The following TMEM14C variants were observed in gnomAD, a reference collection of about 807,000 sequenced individuals.
TMEM14C encodes chromosome 6 open reading frame 53.
Under a neutral mutation model 14.8 loss-of-function variants are expected in TMEM14C, and 13 were observed. The observed-to-expected ratio is 0.88, with a 90% CI of 0.57 to 1.40. The LOEUF is 1.40. TMEM14C is among the 40% of genes most tolerant of loss of function. TMEM14C has a pLI of 0.00. For synonymous variants in TMEM14C, 57 were observed against 51.3 expected (o/e 1.11, Z -0.48); for missense variants, 142 against 138.8 (o/e 1.02, Z -0.12).
At chr6:10,726,117 C>G in intron 4 of TMEM14C, 109 bp downstream of exon 4, 1 of 1,191,354 alleles carries the variant, frequency 8.4e-7, no homozygotes, top group Non-Finnish European at 1.2e-6. Context: ...TCACTTACGA[C>G]AATTTCACTG....
intron 3 of TMEM14C, among the ~76,000 whole-genome samples, chr6:10,725,446 C>G (rs1386755747): frequency 2.0e-5 from 3 of 152,132 alleles, no homozygotes; most frequent in African/African-American, 7.2e-5. Context: ...TTGTGTTTGC[C>G]CCCTAGTCCT....
At chr6:10,728,967 C>A in intron 5 of TMEM14C, 1 of 870,616 alleles carries the variant, frequency 1.1e-6, no homozygotes, top group Non-Finnish European at 1.7e-6. Flanking sequence ...CCAGTCCATC[C>A]AAACTCCTCC....
chr6:10,728,890 T>C, intron 5 of TMEM14C, 163 bp downstream of exon 5: 1 of 1,483,546 alleles, frequency 6.7e-7, no homozygotes, highest in Non-Finnish European at 9.1e-7. Context: ...CAATAGCTAG[T>C]TTAATGTCAA....
In TMEM14C at chr6:10,731,020, CTT is replaced by C. The variant is rs2127489720; in HGVS notation, c.*357_*358del. 5.0e-6 allele frequency: 5 copies of C among 998,020 alleles called. No homozygotes were observed. The South Asian group carries it at 2.3e-4, about 46-fold the overall frequency. 61.8% of individuals were successfully genotyped at this position (998,020 alleles called of 1,614,324 possible). On this transcript the variant is annotated 3_prime_UTR_variant, in exon 6 of 6. Transcript: ENST00000229563. Reference sequence around the variant, plus strand: ...TCTGAGGAACAGTGTGAAAAAAAGTCTTTTAGGAGATTTACAATATCTGTTCT... The same window carrying C: ...TCTGAGGAACAGTGTGAAAAAAAGTCTTAGGAGATTTACAATATCTGTTCT...
At chr6:10,723,399 A>G (rs1388611363) in intron 1 of TMEM14C, among the ~76,000 whole-genome samples, 158 bp downstream of exon 1, 1 of 152,144 alleles carries the variant, frequency 6.6e-6, no homozygotes, top group Non-Finnish European at 1.5e-5. Context: ...TGCTTTTAAA[A>G]GAAGTTGTGG....
At chr6:10,729,700 C>T (rs1293596805) in intron 5 of TMEM14C, among the ~76,000 whole-genome samples, 4 of 152,134 alleles carry the variant, frequency 2.6e-5, no homozygotes, top group African/African-American at 7.2e-5. Flanking sequence ...ATTGCTTCAA[C>T]CTGGGAAGCG....
At chr6:10,730,500 C>A (rs1770993404) in intron 5 of TMEM14C, 115 bp from the exon 6 acceptor site, 1 of 997,064 alleles carries the variant, frequency 1.0e-6, no homozygotes, top group African/African-American at 1.6e-5. Context: ...ACCACTCTTG[C>A]CTTAGTACCT....
chr6:10,725,133 A>T (rs758126040), intron 3 of TMEM14C, 96 bp downstream of exon 3: 4 of 1,500,668 alleles, frequency 2.7e-6, no homozygotes, highest in Non-Finnish European at 3.7e-6. Context: ...CATTTGAGTC[A>T]GGTTTGCTGT....
chr6:10,726,547 G>C (rs1440017129), intron 4 of TMEM14C, among the ~76,000 whole-genome samples: 4 of 152,104 alleles, frequency 2.6e-5, no homozygotes, highest in African/African-American at 9.7e-5. Flanking sequence ...AAAATTAGCT[G>C]GGGGTGGTGG....
chr6:10,729,246 A>G (rs1459896063), intron 5 of TMEM14C, among the ~76,000 whole-genome samples: 3 of 152,082 alleles, frequency 2.0e-5, no homozygotes, highest in Non-Finnish European at 2.9e-5. Context: ...AGCGATTCTC[A>G]TGCCTCAGCC....
intron 1 of TMEM14C, among the ~76,000 whole-genome samples, chr6:10,723,622 G>A (rs1770761406): frequency 7.0e-6 from 1 of 143,718 alleles, no homozygotes; most frequent in African/African-American, 2.7e-5. Flanking sequence ...GTCCTTGAGG[G>A]AGGGACTTGC....
chr6:10,731,050 T>G lies in TMEM14C; in HGVS notation c.*384T>G. 2.0e-6 allele frequency: 2 copies of G among 989,920 alleles called. No homozygotes were observed. The highest frequency in any genetic ancestry group is 2.4e-6 in the Non-Finnish European group (2 of 832,894). 61.3% of individuals were successfully genotyped at this position (989,920 alleles called of 1,614,324 possible). On this transcript the variant is annotated 3_prime_UTR_variant, in exon 6 of 6. Transcript: ENST00000229563. ...AGGAGATTTACAATATCTGTTCTTT[T>G]GCTCATCTTAGACCACAGACTGACT...
In TMEM14C at chr6:10,727,799, C is replaced by T. The variant is rs146529646; in HGVS notation, c.200-841C>T. 6.6e-3 allele frequency among the ~76,000 whole-genome samples: 996 copies of T among 151,866 alleles called. 19 individuals are homozygous for T. Among genetic ancestry groups the T allele is most frequent in the African/African-American group, 0.023 (957 of 41,430 alleles). On this transcript the variant is annotated intron_variant, in intron 4 of 5. Transcript: ENST00000229563. ...TCACGCCACTGCACTCTAGCCTGGG[C>T]GACAGATCAAGACTCTGTCTCAAAA... is the stretch of plus-strand genomic sequence containing the variant.
chr6:10,727,141 C>G (rs1770887725), intron 4 of TMEM14C, among the ~76,000 whole-genome samples: 1 of 152,180 alleles, frequency 6.6e-6, no homozygotes. Flanking sequence ...GTGGGGACTC[C>G]TGGAGCCTTT....
intron 5 of TMEM14C, among the ~76,000 whole-genome samples, chr6:10,729,777 C>CA (rs1229179223): frequency 4.0e-5 from 6 of 148,948 alleles, no homozygotes; most frequent in African/African-American, 1.5e-4. Flanking sequence ...GACTCCATCT[C>CA]AAAAAACAAA....
rs377580365 is a variant in TMEM14C at position 10,726,025 on chromosome 6, G to A, written c.199+17G>A. 1.0e-4 allele frequency: 164 copies of A among 1,613,580 alleles called. No homozygotes were observed. In the African/African-American group the frequency reaches 1.6e-3, roughly 16 times the overall value. On this transcript the variant is annotated intron_variant, in intron 4 of 5. Coordinates refer to ENST00000229563, the MANE Select transcript of TMEM14C (RefSeq NM_016462.4). ...TTTTCCTAGGTATGTCTGCTTTGGC[G>A]TCTCCTTAGGGCAGCTATGTATCCA...
rs762237987 is a variant in TMEM14C at position 10,730,626 on chromosome 6, T to C, written c.299T>C (p.Val100Ala). ...GLIAGASLLM[V>A]AKVGVSMFNR... ...TTTCTTTTAAACAGTTTGCTGATGG[T>C]CGCCAAAGTTGGAGTTAGTATGTTC... Residue 100 changes from valine to alanine, a missense_variant, in exon 6 of 6, where the codon GTC becomes GCC. By Grantham distance (64) the Val-to-Ala change is moderately conservative (BLOSUM62 0). Transcript: ENST00000229563. 25 of 1,612,604 alleles carry C rather than the reference T, an allele frequency of 1.6e-5. No homozygotes were observed. Among genetic ancestry groups the C allele is most frequent in the Non-Finnish European group, 2.0e-5 (24 of 1,179,174 alleles).
In TMEM14C at chr6:10,728,723, G is replaced by A. The variant is rs1561905904; in HGVS notation, c.283G>A (p.Ala95Thr). 1 of 1,614,156 alleles carries A rather than the reference G, an allele frequency of 6.2e-7. No homozygotes were observed. Among genetic ancestry groups the A allele is most frequent in the Non-Finnish European group, 8.5e-7 (1 of 1,180,036 alleles). ...CATGCCTGCAGGTTTAATTGCAGGTGCCAGGTACTTTCATTCTATTACTCT... is the reference window on the plus strand; with the variant it reads ...CATGCCTGCAGGTTTAATTGCAGGTACCAGGTACTTTCATTCTATTACTCT... ...KFMPAGLIAGASLLMVAKVGV... is the reference protein window; with the variant it reads ...KFMPAGLIAGTSLLMVAKVGV... Residue 95 changes from alanine to threonine, a missense_variant, in exon 5 of 6, where the codon GCC becomes ACC. By Grantham distance (58) the Ala-to-Thr change is moderately conservative (BLOSUM62 0). Transcript: ENST00000229563.
rs1770731774 is a variant in TMEM14C, at chr6:10,723,142, C to CTGCATTTCCGG, written c.-144_-143insTGCATTTCCGG. 2.0e-5 allele frequency: 3 copies of CTGCATTTCCGG among 152,382 alleles called. No individual in the cohort carries two copies. Among genetic ancestry groups the CTGCATTTCCGG allele is most frequent in the Admixed American group, 2.0e-4 (3 of 15,294 alleles). 9.4% of individuals were successfully genotyped at this position (152,382 alleles called of 1,614,324 possible). On this transcript the variant is annotated 5_prime_UTR_variant, in exon 1 of 6. Transcript: ENST00000229563. Reference sequence around the variant, plus strand: ...CCGCTCCCCTCTCCTCGCCCCGCCACCGGGACGGAGAGCGCCCGCCGCTGC... The same window carrying CTGCATTTCCGG: ...CCGCTCCCCTCTCCTCGCCCCGCCACTGCATTTCCGGCGGGACGGAGAGCGCCCGCCGCTGC...
Sources: gnomAD v4.1 joint callset for allele counts (sites outside exome capture counted in the v4.1 genomes callset) on GRCh38, gnomAD v4.1.1 for gene constraint, MANE v1.5 for transcripts, NCBI Gene and HGNC (gene_info 2026-07-23, HGNC 2026-07-21) for gene names.